THBS3: variants seen among roughly 807,000 people sequenced by gnomAD.
THBS3 encodes the protein thrombospondin-3.
A neutral mutation model predicts 118.3 loss-of-function variants in THBS3; 78 were observed. The observed-to-expected ratio is 0.66, with a 90% CI of 0.55 to 0.80. The LOEUF (loss-of-function observed/expected upper bound fraction) is 0.80, where lower values mean the gene tolerates loss of function less well. Ranked by LOEUF, THBS3 falls within the 30% of genes least tolerant of loss-of-function variation. The pLI is 0.00. For synonymous variants in THBS3, 427 were observed against 475.3 expected (o/e 0.90, Z 1.32); for missense variants, 1,057 against 1,247.4 (o/e 0.85, Z 2.30).
At chr1:155,198,359 C>T (rs780192799) in intron 17 of THBS3, 50 bp downstream of exon 17, 1 of 1,595,078 alleles carries the variant, frequency 6.3e-7, no homozygotes, top group African/African-American at 1.3e-5. Context: ...GCTGCCTCCA[C>T]CTGGGCAAAG....
rs988153408 is a variant in THBS3, at chr1:155,200,783, C to T, written c.1548+114G>A. On this transcript the variant is annotated intron_variant, in intron 13 of 22. Coordinates refer to ENST00000368378, the MANE Select transcript of THBS3 (RefSeq NM_007112.5). ...TCCTGGGCACGAGGTTTTTGCCTCC[C>T]TGATTTGGAGTATTTGGCCCTTACT... is the stretch of plus-strand genomic sequence containing the variant. 8 of 1,590,768 alleles carry T rather than the reference C, an allele frequency of 5.0e-6. No individual in the cohort carries two copies. The African/African-American group carries it at 8.1e-5, about 16-fold the overall frequency.
rs1359237723 is a variant in THBS3 at position 155,206,617 on chromosome 1, C to G, written c.80-211G>C. ...ATCGCCTAAGGTCAGGAGTTCGAGA[C>G]CAGCCTGGCCAACACGGTGAAACCC... On this transcript the variant is annotated intron_variant, in intron 1 of 22. Transcript: ENST00000368378. This position sits in a 1 kb window ranked among gnomAD's most constrained non-coding sequence, Gnocchi z 4.2. Among the ~76,000 whole-genome samples the G allele has an allele frequency of 6.6e-6, 1 of 151,918 alleles. No individual in the cohort carries two copies. The highest frequency in any genetic ancestry group is 1.5e-5 in the Non-Finnish European group (1 of 68,002).
intron 21 of THBS3, 82 bp from the exon 22 acceptor site, chr1:155,196,208 T>A: frequency 6.6e-7 from 1 of 1,522,992 alleles, no homozygotes; most frequent in Non-Finnish European, 9.0e-7. Context: ...GGGCCTTGCT[T>A]TTCCCCAGCC....
intron 13 of THBS3, 137 bp from the exon 14 acceptor site, chr1:155,200,747 C>G (rs1669573579): frequency 6.4e-7 from 1 of 1,561,726 alleles, no homozygotes; most frequent in Non-Finnish European, 8.7e-7. Flanking sequence ...CCCACCCACC[C>G]AGCCTCCTTG....
chr1:155,196,053 G>GC lies in THBS3; in HGVS notation c.2745dup (p.Arg916AlafsTer23). 1 of 1,614,106 alleles carries GC rather than the reference G, an allele frequency of 6.2e-7. No homozygotes were observed. The highest frequency in any genetic ancestry group is 8.5e-7 in the Non-Finnish European group (1 of 1,180,020). On this transcript the variant is annotated frameshift_variant, in exon 22 of 23. Transcript: ENST00000368378. LOFTEE classifies it high-confidence loss of function. ...TGGGAGAAGCAGAATACACCAAGAC[G>GC]CCCCCCTCGCATGGATGTGTCAATG...
At chr1:155,201,356 CAT>C in intron 11 of THBS3, 59 bp downstream of exon 11, 1 of 1,568,128 alleles carries the variant, frequency 6.4e-7, no homozygotes, top group Non-Finnish European at 8.6e-7. Flanking sequence ...AGGCCCTAAA[CAT>C]AGCCCTACTC....
upstream of THBS3, chr1:155,209,107 T>C (rs1251719909): frequency 1.3e-6 from 2 of 1,543,214 alleles, no homozygotes; most frequent in African/African-American, 2.8e-5. Flanking sequence ...CAGCTGCCAG[T>C]CGGGCCAGAA....
Position 155,203,241 on chromosome 1 carries a change from C to T in THBS3, c.738G>A (p.Arg246=). The change falls in exon 6 of 23, where the codon CGG becomes CGA. Residue 246 remains arginine, a synonymous_variant. Transcript: ENST00000368378. ...TLFNQILVEL[R]DDIRDQVKEM... is the part of the protein sequence containing the mutation. ...CCCAAACCTGGTCTCGTATATCATC[C>T]CGCAGCTCCACCAGGATCTGGTTGA... 1 of 1,614,208 alleles carries T rather than the reference C, an allele frequency of 6.2e-7. No individual in the cohort carries two copies. Among genetic ancestry groups the T allele is most frequent in the Non-Finnish European group, 8.5e-7 (1 of 1,180,040 alleles).
rs137930243 is a variant in THBS3 at position 155,202,330 on chromosome 1, G to A, written c.1029C>T (p.Ala343=). The A allele has an allele frequency of 3.7e-6, 6 of 1,614,022 alleles. No homozygotes were observed. In the African/African-American group the frequency reaches 8.0e-5, roughly 22 times the overall value. Residue 343 remains alanine (A), a synonymous_variant, in exon 9 of 23, where the codon GCC becomes GCT. Transcript: ENST00000368378. The surrounding 1 kb of genome is among the most constrained non-coding windows in gnomAD (Gnocchi z 5.5). The stretch of plus-strand genomic sequence containing the variant: ...GTGTGCCCTTGTACCCTCGAGGACA[G>A]GCCTCACAGTGGAAGCCGGGCATGG... ...INTMPGFHCE[A]CPRGYKGTQV...
intron 10 of THBS3, 193 bp downstream of exon 10, chr1:155,201,764 A>C: frequency 2.9e-6 from 3 of 1,018,150 alleles, no homozygotes; most frequent in Admixed American, 2.6e-5. Flanking sequence ...TGAGGCTCAG[A>C]AAAGTTAAAT....
Position 155,203,293 on chromosome 1 carries a change from T to G in THBS3, c.686A>C (p.Lys229Thr), listed in dbSNP as rs1284578492. Residue 229 changes from lysine to threonine, a missense_variant, in exon 6 of 23, where the codon AAG becomes ACG. By Grantham distance (78) the Lys-to-Thr change is moderately conservative (BLOSUM62 -1). Around this residue, in one of 3 missense-constraint regions of THBS3, gnomAD observed 544 missense variants for 715.6 expected, o/e 0.76. Coordinates refer to ENST00000368378, the MANE Select transcript of THBS3 (RefSeq NM_007112.5). ...GAGGGTGAGTTGGGTGACCAGCGCC[T>G]TGGTCTGCTCCCCTGTCGGGACCCA... ...ALHSILGEQTKALVTQLTLFN... is the reference protein window; with the variant it reads ...ALHSILGEQTTALVTQLTLFN... 6.2e-7 allele frequency: 1 copy of G among 1,613,946 alleles called. No individual in the cohort carries two copies. Among genetic ancestry groups the G allele is most frequent in the South Asian group, 1.1e-5 (1 of 91,078 alleles).
At chr1:155,200,265 G>A (rs2147952396) in intron 14 of THBS3, 152 bp from the exon 15 acceptor site, 2 of 984,336 alleles carry the variant, frequency 2.0e-6, no homozygotes, top group East Asian at 4.9e-5. Flanking sequence ...TCCACACTCT[G>A]CCTAACACTA....
In THBS3 at chr1:155,204,893, T is replaced by C; in HGVS notation, c.608A>G (p.Glu203Gly). The C allele has an allele frequency of 1.9e-6, 3 of 1,613,900 alleles. No homozygotes were observed. Among genetic ancestry groups the C allele is most frequent in the Non-Finnish European group, 2.5e-6 (3 of 1,179,990 alleles). The part of the protein sequence containing the change: ...GSMARVGALS[E>G]CPFQGDESIH... ...GGACTCGTCCCCTTGGAATGGACAC[T>C]CACTCAGGGCTCCTACCCGGGCCAT... The change falls in exon 4 of 23, where the codon GAG becomes GGG. Residue 203 changes from glutamate to glycine, a missense_variant. Transcript: ENST00000368378.
chr1:155,197,476 C>G lies in THBS3; in HGVS notation c.2486G>C (p.Gly829Ala). Reference protein sequence around the residue: ...ATPFRAVAQPGLQLKAVTSVS... With the variant: ...ATPFRAVAQPALQLKAVTSVS... ...GCAGCTGGGGACCTTGAGCTGCAGC[C>G]CGGGCTGGGCAACCGCCCGGAAGGG... Residue 829 changes from glycine (G) to alanine (A), a missense_variant, in exon 20 of 23, where the codon GGG becomes GCG. Physicochemically the swap from Gly to Ala is moderately conservative, Grantham distance 60. Around this residue, in one of 3 missense-constraint regions of THBS3, gnomAD observed 307 missense variants for 326.1 expected, o/e 0.94. Coordinates refer to ENST00000368378, the MANE Select transcript of THBS3 (RefSeq NM_007112.5). This position sits in a 1 kb window ranked among gnomAD's most constrained non-coding sequence, Gnocchi z 5.0. 5 of 1,613,010 alleles carry G rather than the reference C, an allele frequency of 3.1e-6. No homozygotes were observed. Among genetic ancestry groups the G allele is most frequent in the Non-Finnish European group, 4.2e-6 (5 of 1,179,944 alleles).
chr1:155,203,490 C>T (rs1457687037), intron 5 of THBS3, 23 bp downstream of exon 5: 1 of 1,613,156 alleles, frequency 6.2e-7, no homozygotes, highest in Non-Finnish European at 8.5e-7. Flanking sequence ...CTCCCCGCTT[C>T]CGCTTCAGTG....
In THBS3 at chr1:155,205,305, A is replaced by T; in HGVS notation, c.298T>A (p.Tyr100Asn). 1 of 1,613,898 alleles carries T rather than the reference A, an allele frequency of 6.2e-7. No individual in the cohort carries two copies. Among genetic ancestry groups the T allele is most frequent in the Non-Finnish European group, 8.5e-7 (1 of 1,180,000 alleles). The change falls in exon 3 of 23, where the codon TAC (tyrosine) becomes AAC (asparagine). Residue 100 changes from tyrosine to asparagine, a missense_variant. Around this residue, in one of 3 missense-constraint regions of THBS3, gnomAD observed 206 missense variants for 205.7 expected, o/e 1.00. Coordinates refer to ENST00000368378, the MANE Select transcript of THBS3 (RefSeq NM_007112.5). The stretch of plus-strand genomic sequence containing the variant: ...TGGACTTTGCCATCCTCCCGCTGGT[A>T]TCGCACCAGTACTGCCCAGGAGGGG... ...VGKINKVLVRYQREDGKVHAV... is the reference protein window; with the variant it reads ...VGKINKVLVRNQREDGKVHAV...
chr1:155,201,286 C>T, intron 11 of THBS3, 82 bp from the exon 12 acceptor site: 1 of 1,594,336 alleles, frequency 6.3e-7, no homozygotes, highest in Non-Finnish European at 8.6e-7. Flanking sequence ...AGGTCCTATT[C>T]TCCCCACCAA....
Position 155,198,108 on chromosome 1 carries a change from A to G in THBS3, c.2187T>C (p.Tyr729=). The part of the protein sequence containing the change: ...AEVTLTDFRA[Y]QTVVLDPEGD... Reference sequence around the variant, plus strand: ...CCTCAGGATCCAGGACGACGGTCTGATAGGCCCGAAAATCCGTAAGCGTTA... The same window carrying G: ...CCTCAGGATCCAGGACGACGGTCTGGTAGGCCCGAAAATCCGTAAGCGTTA... Residue 729 remains tyrosine (Y), a synonymous_variant, in exon 18 of 23, where the codon TAT becomes TAC. Transcript: ENST00000368378. The G allele has an allele frequency of 6.2e-7, 1 of 1,614,182 alleles. No homozygotes were observed. Among genetic ancestry groups the G allele is most frequent in the Non-Finnish European group, 8.5e-7 (1 of 1,180,030 alleles).
chr1:155,200,494 G>A lies in THBS3; in HGVS notation c.1665C>T (p.Gly555=). ...TGTCACAGGCATCTCCTTCCCCATT[G>A]CCATCTGTGTCCTTCTGGTCATTGT... ...VPNNDQKDTD[G]NGEGDACDND... The change falls in exon 14 of 23, where the codon GGC becomes GGT. Residue 555 remains glycine (G), a synonymous_variant. Coordinates refer to ENST00000368378, the MANE Select transcript of THBS3 (RefSeq NM_007112.5). The A allele has an allele frequency of 6.2e-7, 1 of 1,614,042 alleles. No homozygotes were observed. The highest frequency in any genetic ancestry group is 8.5e-7 in the Non-Finnish European group (1 of 1,180,014).
Sources: allele counts gnomAD v4.1 joint callset (sites outside exome capture counted in the v4.1 genomes callset), GRCh38; gene constraint gnomAD v4.1.1; regional missense constraint gnomAD v4.1.1; non-coding constraint Gnocchi (gnomAD v3.1); transcripts MANE v1.5; gene names NCBI Gene and HGNC (gene_info 2026-07-23, HGNC 2026-07-21).